The following UPF1 variants were observed in gnomAD, a reference collection of about 807,000 sequenced individuals.
The protein encoded by UPF1 is UPF1 RNA helicase and ATPase.
Under a neutral mutation model 129.2 loss-of-function variants are expected in UPF1, and 9 were observed. The observed-to-expected ratio is 0.07, with a 90% confidence interval of 0.04 to 0.12. UPF1 has a LOEUF of 0.12. Among genes scored for constraint, UPF1 ranks in the 10% least tolerant of loss-of-function variants. The pLI, the probability that UPF1 is intolerant of heterozygous loss-of-function variation, is 1.00. For missense variants in UPF1, 788 were observed against 1,525.3 expected (o/e 0.52, Z 8.05); for synonymous variants, 649 against 644.9 (o/e 1.01, Z -0.10).
rs1278304822 is a variant in UPF1 at position 18,866,493 on chromosome 19, C to T, written c.*4-28C>T. On this transcript the variant is annotated intron_variant, in intron 23 of 23. Coordinates refer to ENST00000262803, the MANE Select transcript of UPF1 (RefSeq NM_002911.4). ...TGGGGCTCAGGTCGCAGCCTCTCAC[C>T]GCCTCCTGCCCTTCTCCCTCCTGAC... The T allele has an allele frequency of 1.8e-5, 5 of 275,024 alleles. No individual in the cohort carries two copies. The East Asian group carries it at 3.0e-4, about 17-fold the overall frequency. The allele number at this position is 275,024 out of a possible 1,614,324, so 17.0% of individuals were successfully genotyped here. A position where few individuals can be genotyped will look rare whatever the true frequency, so the allele number is the denominator to read the frequency against.
chr19:18,855,766 T>G lies in UPF1; in HGVS notation c.1545-159T>G, dbSNP rs965760646. The stretch of plus-strand genomic sequence containing the variant: ...AGGAGGCTGAGGTGGGAGGATTGCT[T>G]GAGCCCAGGATGTTGAGGCTGCAAT... On this transcript the variant is annotated intron_variant, in intron 11 of 23. Transcript: ENST00000262803. 3.9e-6 allele frequency: 4 copies of G among 1,032,194 alleles called. No homozygotes were observed. In the African/African-American group the frequency reaches 4.9e-5, roughly 13 times the overall value. 63.9% of individuals were successfully genotyped at this position (1,032,194 alleles called of 1,614,324 possible).
chr19:18,850,951 C>T lies in UPF1; in HGVS notation c.810+83C>T, dbSNP rs140025521. ...GGAGTGTCTTCAGAGACGGCTTGAC[C>T]CAGTGAGACCGCTGGAGATTCTCTG... On this transcript the variant is annotated intron_variant, in intron 5 of 23. Transcript: ENST00000262803. The surrounding 1 kb of genome is among the most constrained non-coding windows in gnomAD (Gnocchi z 7.1). The T allele has an allele frequency of 4.3e-6, 6 of 1,411,010 alleles. No homozygotes were observed. Among genetic ancestry groups the T allele is most frequent in the Non-Finnish European group, 5.6e-6 (6 of 1,072,426 alleles). The allele number at this position is 1,411,010 out of a possible 1,614,324, so 87.4% of individuals were successfully genotyped here. A position where few individuals can be genotyped will look rare whatever the true frequency, so the allele number is the denominator to read the frequency against.
chr19:18,861,858 A>G, intron 17 of UPF1, 152 bp from the exon 18 acceptor site: 1 of 1,002,324 alleles, frequency 1.0e-6, no homozygotes, highest in Non-Finnish European at 1.4e-6. Flanking sequence ...AAATGGCAGC[A>G]GAGCCAGGAC....
At position 18,854,963 on chromosome 19, in the gene UPF1, G is replaced by A. The variant is rs200234223; in HGVS notation, c.1350G>A (p.Val450=). The A allele has an allele frequency of 1.9e-6, 3 of 1,614,232 alleles. No homozygotes were observed. The highest frequency in any genetic ancestry group is 3.3e-5 in the Admixed American group (2 of 60,036). ...YIYHKLLGHE[V]EDVIIKCQLP... ...ACCACAAGCTGTTGGGCCACGAGGT[G>A]GAGGACGTAATCATCAAGTGCCAGC... The change falls in exon 10 of 24, where the codon GTG becomes GTA. Residue 450 remains valine, a synonymous_variant. Coordinates refer to ENST00000262803, the MANE Select transcript of UPF1 (RefSeq NM_002911.4).
In UPF1 at chr19:18,865,675, C is replaced by T. The variant is rs140671518; in HGVS notation, c.3134C>T (p.Ala1045Val). ...LPNSQASQDVASQPFSQGALT... is the reference protein window; with the variant it reads ...LPNSQASQDVVSQPFSQGALT... ...AACAGCCAAGCCAGCCAGGATGTGG[C>T]GTCACAGCCCTTCTCTCAGGGCGCC... is the stretch of plus-strand genomic sequence containing the variant. The change falls in exon 22 of 24, where the codon GCG becomes GTG. Residue 1045 changes from alanine (A) to valine (V), a missense_variant. Coordinates refer to ENST00000262803, the MANE Select transcript of UPF1 (RefSeq NM_002911.4). The surrounding 1 kb of genome is among the most constrained non-coding windows in gnomAD (Gnocchi z 6.1). 0.012 allele frequency: 18,880 copies of T among 1,613,886 alleles called. 146 individuals are homozygous for T. The highest frequency in any genetic ancestry group is 0.014 in the Non-Finnish European group (16,685 of 1,180,030).
In UPF1 at chr19:18,866,927, C is replaced by G. The variant is rs749255476; in HGVS notation, c.*410C>G. ...CTTCGCATTTCTGTGCCCGAGCAGGCTCCTTGCAAAGACAGCAGCGTGCGG... is the reference window on the plus strand; with the variant it reads ...CTTCGCATTTCTGTGCCCGAGCAGGGTCCTTGCAAAGACAGCAGCGTGCGG... On this transcript the variant is annotated 3_prime_UTR_variant, in exon 24 of 24. Coordinates refer to ENST00000262803, the MANE Select transcript of UPF1 (RefSeq NM_002911.4). 6.6e-6 allele frequency: 1 copy of G among 152,640 alleles called. No individual in the cohort carries two copies. Among genetic ancestry groups the G allele is most frequent in the Non-Finnish European group, 1.5e-5 (1 of 68,062 alleles). The allele number at this position is 152,640 out of a possible 1,614,324, so 9.5% of individuals were successfully genotyped here.
At chr19:18,839,647 G>C (rs77733047) in intron 1 of UPF1, among the ~76,000 whole-genome samples, 8,533 of 152,122 alleles carry the variant, frequency 0.056, 375 homozygotes, top group African/African-American at 0.11. Context: ...TTTAAGCCCC[G>C]TGTCTGTTAA....
chr19:18,838,349 T>C (rs1428737811), intron 1 of UPF1, among the ~76,000 whole-genome samples: 8 of 151,300 alleles, frequency 5.3e-5, no homozygotes, highest in Non-Finnish European at 1.2e-4. Flanking sequence ...CTTGTCTTAA[T>C]AAAAAGAAGA....
intron 1 of UPF1, among the ~76,000 whole-genome samples, chr19:18,840,161 C>T (rs1377828523): frequency 1.3e-5 from 2 of 152,060 alleles, no homozygotes; most frequent in African/African-American, 4.8e-5. Context: ...CCAGGTTGGA[C>T]CCCGAATGGA....
chr19:18,860,529 G>T, intron 16 of UPF1, 91 bp downstream of exon 16: 1 of 1,343,928 alleles, frequency 7.4e-7, no homozygotes. Flanking sequence ...ACATGGGACT[G>T]AAACTTTTTT....
rs184430675 is a variant in UPF1 at position 18,864,548 on chromosome 19, A to C, written c.2857+297A>C. 2.6e-4 allele frequency among the ~76,000 whole-genome samples: 39 copies of C among 149,900 alleles called. No individual in the cohort carries two copies. In the East Asian group the frequency reaches 6.2e-3, roughly 24 times the overall value. On this transcript the variant is annotated intron_variant, in intron 20 of 23. Transcript: ENST00000262803. ...CAAATAGAACATTTTCATAAAAAGG[A>C]TTTTTTTTTTCCTTTGGTAAATGCA...
chr19:18,844,558 C>T lies in UPF1; in HGVS notation c.232-1422C>T, dbSNP rs189669481. ...ATGTTGGCCAGGCTGGTCTCGAACTCCTGACCTCAGGTGATCCGCCCTGCC... is the reference window on the plus strand; with the variant it reads ...ATGTTGGCCAGGCTGGTCTCGAACTTCTGACCTCAGGTGATCCGCCCTGCC... On this transcript the variant is annotated intron_variant, in intron 1 of 23. Transcript: ENST00000262803. Among the ~76,000 whole-genome samples the T allele has an allele frequency of 2.2e-4, 34 of 151,402 alleles. No individual in the cohort carries two copies. The East Asian group carries it at 6.6e-3, about 29-fold the overall frequency.
At chr19:18,846,198 C>T in intron 2 of UPF1, 79 bp downstream of exon 2, 1 of 1,582,678 alleles carries the variant, frequency 6.3e-7, no homozygotes, top group Non-Finnish European at 8.6e-7. Flanking sequence ...ACTCACCTCC[C>T]AGGTACAGGG....
intron 1 of UPF1, among the ~76,000 whole-genome samples, chr19:18,840,863 C>A (rs898103028): frequency 6.6e-6 from 1 of 152,216 alleles, no homozygotes; most frequent in South Asian, 2.1e-4. Flanking sequence ...GTAACCCAGC[C>A]GGGCTTCTCA....
chr19:18,834,669 A>T (rs2055464792), intron 1 of UPF1, among the ~76,000 whole-genome samples: 1 of 152,218 alleles, frequency 6.6e-6, no homozygotes, highest in African/African-American at 2.4e-5. Context: ...TTTGCATCAC[A>T]AGGGGAAGAA....
chr19:18,846,588 C>T (rs1237301917), intron 2 of UPF1, among the ~76,000 whole-genome samples: 1 of 152,100 alleles, frequency 6.6e-6, no homozygotes, highest in Non-Finnish European at 1.5e-5. Flanking sequence ...GTGGATAGAC[C>T]TGCATGTTGA....
chr19:18,843,852 C>G (rs778387764), intron 1 of UPF1, among the ~76,000 whole-genome samples: 1 of 151,928 alleles, frequency 6.6e-6, no homozygotes, highest in Non-Finnish European at 1.5e-5. Flanking sequence ...GTCAAGCAAT[C>G]CTCCGGCCTC....
rs2145957082 is a variant in UPF1 at position 18,854,622 on chromosome 19, T to C, written c.1178T>C (p.Ile393Thr). Reference sequence around the variant, plus strand: ...ACAGATTATGGCGATGAGATCGCCATTGAGCTGCGGAGCAGCGTGGGTGCA... The same window carrying C: ...ACAGATTATGGCGATGAGATCGCCACTGAGCTGCGGAGCAGCGTGGGTGCA... ...VPDNYGDEIA[I>T]ELRSSVGAPV... The change falls in exon 9 of 24, where the codon ATT becomes ACT. Residue 393 changes from isoleucine to threonine, a missense_variant. Transcript: ENST00000262803. The C allele has an allele frequency of 1.2e-6, 2 of 1,613,698 alleles. No individual in the cohort carries two copies. Among genetic ancestry groups the C allele is most frequent in the Non-Finnish European group, 1.7e-6 (2 of 1,179,724 alleles).
chr19:18,854,508 T>C, intron 8 of UPF1, 93 bp from the exon 9 acceptor site: 1 of 1,035,868 alleles, frequency 9.7e-7, no homozygotes, highest in East Asian at 2.4e-5. Context: ...GTAACTAAAT[T>C]TTAAAAACGC....
Sources: allele counts gnomAD v4.1 joint callset (sites outside exome capture counted in the v4.1 genomes callset), GRCh38; gene constraint gnomAD v4.1.1; non-coding constraint Gnocchi (gnomAD v3.1); transcripts MANE v1.5; gene names NCBI Gene and HGNC (gene_info 2026-07-23, HGNC 2026-07-21).